Variants in TMEM168 observed in about 807,000 individuals in gnomAD.
The protein encoded by TMEM168 is transmembrane protein 168.
TMEM168 carries 40 observed loss-of-function variants against 53.2 expected under a neutral mutation model. The ratio of observed to expected loss-of-function variants is 0.75; its 90% CI spans 0.58 to 0.98. The LOEUF is 0.98. TMEM168 is among the 50% of genes least tolerant of loss of function. The pLI is 0.00. For missense variants in TMEM168, 771 were observed against 828.8 expected (o/e 0.93, Z 0.86); for synonymous variants, 282 against 293.0 (o/e 0.96, Z 0.38).
intron 2 of TMEM168, among the ~76,000 whole-genome samples, chr7:112,780,959 A>C (rs1349709730): frequency 1.3e-5 from 2 of 151,374 alleles, no homozygotes; most frequent in East Asian, 1.9e-4. Flanking sequence ...AAAAAAAAAA[A>C]AAAAAACGGG....
Position 112,772,859 on chromosome 7 carries a change from C to G in TMEM168, c.1468G>C (p.Val490Leu), listed in dbSNP as rs561142567. ...TACGTATCATGTCTGGGTCCATCCA[C>G]TGTCCGAAGTTCGAGGAAAGCTTTT... is the stretch of plus-strand genomic sequence containing the variant. ...KLKAFLELRT[V>L]DGPRHDTYIL... Residue 490 changes from valine (V) to leucine (L), a missense_variant, in exon 4 of 5, where the codon GTG becomes CTG. By Grantham distance (32) the Val-to-Leu change is conservative (BLOSUM62 1). Transcript: ENST00000312814. 2.9e-5 allele frequency: 47 copies of G among 1,614,004 alleles called. No homozygotes were observed. Among genetic ancestry groups the G allele is most frequent in the Non-Finnish European group, 3.7e-5 (44 of 1,179,990 alleles).
intron 1 of TMEM168, among the ~76,000 whole-genome samples, chr7:112,786,221 C>A (rs928053926): frequency 5.3e-5 from 8 of 151,952 alleles, no homozygotes; most frequent in African/African-American, 7.3e-5. Context: ...ACAAAAAAAA[C>A]CCACGAGTTT....
At chr7:112,768,104 G>A (rs933267916) in intron 4 of TMEM168, among the ~76,000 whole-genome samples, 2 of 152,108 alleles carry the variant, frequency 1.3e-5, no homozygotes, top group Admixed American at 1.3e-4. Flanking sequence ...CAACTCATGG[G>A]CCAGATCCAG....
chr7:112,770,560 A>T (rs1792903741), intron 4 of TMEM168, among the ~76,000 whole-genome samples: 1 of 152,124 alleles, frequency 6.6e-6, no homozygotes, highest in Non-Finnish European at 1.5e-5. Flanking sequence ...TTCAAAAATT[A>T]TTCCTAACAG....
intron 2 of TMEM168, among the ~76,000 whole-genome samples, chr7:112,777,178 C>G (rs1793107562): frequency 6.6e-6 from 1 of 151,850 alleles, no homozygotes; most frequent in Non-Finnish European, 1.5e-5. Flanking sequence ...CACTTTATGC[C>G]TTGTTAAAAA....
In TMEM168 at chr7:112,767,421, C is replaced by G. The variant is rs1825336141; in HGVS notation, c.1870G>C (p.Asp624His). Residue 624 changes from aspartate (D) to histidine (H), a missense_variant, in exon 5 of 5, where the codon GAC becomes CAC. Asp to His is a moderately conservative substitution (Grantham distance 81). Transcript: ENST00000312814. ...CCCGTTGGCAAATGCAGAGTGTAGT[C>G]ACTCCACCGTTTTGACACACCATAT... ...AVYGVSKRWSDYTLHLPTGSD... is the reference protein window; with the variant it reads ...AVYGVSKRWSHYTLHLPTGSD... 1 of 1,613,994 alleles carries G rather than the reference C, an allele frequency of 6.2e-7. No individual in the cohort carries two copies. The highest frequency in any genetic ancestry group is 8.5e-7 in the Non-Finnish European group (1 of 1,180,022).
At chr7:112,779,573 C>T (rs1421618204) in intron 2 of TMEM168, among the ~76,000 whole-genome samples, 2 of 152,198 alleles carry the variant, frequency 1.3e-5, no homozygotes, top group African/African-American at 4.8e-5. Flanking sequence ...TCCTTTGCTT[C>T]TCCAAATTAT....
Position 112,784,189 on chromosome 7 carries a change from A to C in TMEM168, c.637T>G (p.Phe213Val). 1 of 1,613,306 alleles carries C rather than the reference A, an allele frequency of 6.2e-7. No individual in the cohort carries two copies. The highest frequency in any genetic ancestry group is 8.5e-7 in the Non-Finnish European group (1 of 1,179,886). ...PNLVIFAVLL[F>V]FSSLETPKNP... ...TTGGGAGTTTCCAATGAGGAAAAAAATAACAAAACTGCAAAAATAACTAAG... is the reference window on the plus strand; with the variant it reads ...TTGGGAGTTTCCAATGAGGAAAAAACTAACAAAACTGCAAAAATAACTAAG... Residue 213 changes from phenylalanine (F) to valine (V), a missense_variant, in exon 2 of 5, where the codon TTT becomes GTT. Phe to Val is a conservative substitution (Grantham distance 50, BLOSUM62 -1). Coordinates refer to ENST00000312814, the MANE Select transcript of TMEM168 (RefSeq NM_022484.6).
chr7:112,770,630 G>T (rs1008366650), intron 4 of TMEM168, among the ~76,000 whole-genome samples: 1 of 151,888 alleles, frequency 6.6e-6, no homozygotes, highest in Non-Finnish European at 1.5e-5. Flanking sequence ...GTTTATCTTA[G>T]TGTTTTTACT....
In TMEM168 at chr7:112,767,219, C is replaced by A. The variant is rs1792803001; in HGVS notation, c.2072G>T (p.Gly691Val). Residue 691 changes from glycine (G) to valine (V), a missense_variant, in exon 5 of 5, where the codon GGC becomes GTC. Coordinates refer to ENST00000312814, the MANE Select transcript of TMEM168 (RefSeq NM_022484.6). The stretch of plus-strand genomic sequence containing the variant: ...AAATTAAGATTTGACAAGTTTGAAG[C>A]CTTGTCCTGTGTCCAGCACAGTAGG... ...FLPTVLDTGQGFKLVKS is the reference protein window; with the variant it reads ...FLPTVLDTGQVFKLVKS The A allele has an allele frequency of 2.5e-6, 4 of 1,613,216 alleles. No homozygotes were observed. Among genetic ancestry groups the A allele is most frequent in the Non-Finnish European group, 3.4e-6 (4 of 1,179,654 alleles).
chr7:112,772,733 T>C (rs751015922), intron 4 of TMEM168, 48 bp downstream of exon 4: 10 of 1,575,476 alleles, frequency 6.3e-6, no homozygotes, highest in South Asian at 4.6e-5. Context: ...GATTTCTACA[T>C]ATACATGTGT....
At chr7:112,785,054 C>A in intron 1 of TMEM168, 101 bp from the exon 2 acceptor site, 2 of 353,576 alleles carry the variant, frequency 5.7e-6, no homozygotes, top group South Asian at 7.0e-5. Flanking sequence ...AGTTTAAAAA[C>A]TGAAATCCAG....
intron 2 of TMEM168, 150 bp from the exon 3 acceptor site, chr7:112,775,468 A>G: frequency 3.2e-6 from 2 of 631,864 alleles, no homozygotes; most frequent in Non-Finnish European, 5.1e-6. Context: ...CAGTTAAAGC[A>G]GACACGTATA....
In TMEM168 at chr7:112,765,887, T is replaced by C. The variant is rs888765860; in HGVS notation, c.*1310A>G. Reference sequence around the variant, plus strand: ...AAAGTTCAATTTTCAAGTCACCAGGTAGAAAATGGTGGAGGCATTATTTCC... The same window carrying C: ...AAAGTTCAATTTTCAAGTCACCAGGCAGAAAATGGTGGAGGCATTATTTCC... On this transcript the variant is annotated 3_prime_UTR_variant, in exon 5 of 5. Transcript: ENST00000312814. 2 of 151,282 alleles carry C rather than the reference T, an allele frequency of 1.3e-5. No homozygotes were observed. Among genetic ancestry groups the C allele is most frequent in the African/African-American group, 5.0e-5 (2 of 40,326 alleles). The allele number at this position is 151,282 out of a possible 1,614,324, so 9.4% of individuals were successfully genotyped here.
At chr7:112,781,600 GTTTATGTTTAACTGATTTTAAAC>G (rs1261680252) in intron 2 of TMEM168, among the ~76,000 whole-genome samples, 1 of 151,654 alleles carries the variant, frequency 6.6e-6, no homozygotes, top group African/African-American at 2.4e-5. Context: ...ACAACCTTAC[GTTTATGTTTAACTGATTTTAAAC>G]AAAGACGCCA....
At chr7:112,781,938 C>A (rs1718953) in intron 2 of TMEM168, among the ~76,000 whole-genome samples, 4,836 of 152,148 alleles carry the variant, frequency 0.032, 246 homozygotes, top group African/African-American at 0.11. Context: ...TTGTATCATT[C>A]AGAAAATAAA....
Position 112,763,119 on chromosome 7 carries a change from A to T in TMEM168, c.*4078T>A, listed in dbSNP as rs1389470831. 1.3e-5 allele frequency: 2 copies of T among 152,084 alleles called. No individual in the cohort carries two copies. Among genetic ancestry groups the T allele is most frequent in the Admixed American group, 6.5e-5 (1 of 15,276 alleles). 9.4% of individuals were successfully genotyped at this position (152,084 alleles called of 1,614,324 possible). On this transcript the variant is annotated 3_prime_UTR_variant, in exon 5 of 5. Transcript: ENST00000312814. ...TAATGATATTAGAGTCATGATGGAA[A>T]TGGACTCAACTCACAAAAAGCCATT... is the stretch of plus-strand genomic sequence containing the variant.
intron 2 of TMEM168, among the ~76,000 whole-genome samples, chr7:112,781,116 AAAG>A (rs1793219725): frequency 2.0e-5 from 3 of 151,820 alleles, no homozygotes; most frequent in African/African-American, 7.3e-5. Context: ...GCTTCAAAAT[AAAG>A]AAGCAAAAAA....
rs376302553 is a variant in TMEM168, at chr7:112,762,377, T to C, written c.*4820A>G. On this transcript the variant is annotated 3_prime_UTR_variant, in exon 5 of 5. Coordinates refer to ENST00000312814, the MANE Select transcript of TMEM168 (RefSeq NM_022484.6). ...AGTTTATATTAAAAATTAATGCGAA[T>C]TTTGTTCATCAATACATTGGTATGT... 1 of 152,032 alleles carries C rather than the reference T, an allele frequency of 6.6e-6. No homozygotes were observed. The highest frequency in any genetic ancestry group is 2.1e-4 in the South Asian group (1 of 4,828). 9.4% of individuals were successfully genotyped at this position (152,032 alleles called of 1,614,324 possible).
Sources: gnomAD v4.1 joint callset for allele counts (sites outside exome capture counted in the v4.1 genomes callset) on GRCh38, gnomAD v4.1.1 for gene constraint, MANE v1.5 for transcripts, NCBI Gene and HGNC (gene_info 2026-07-23, HGNC 2026-07-21) for gene names.